TMEM40: variants seen among roughly 807,000 people sequenced by gnomAD.
TMEM40 encodes the protein transmembrane protein 40.
TMEM40 carries 34 observed loss-of-function variants against 40.8 expected under a neutral mutation model. That is an observed-to-expected ratio of 0.83 (90% CI 0.63 to 1.11). The LOEUF is 1.11. Among genes scored for constraint, TMEM40 ranks in the 50% least tolerant of loss-of-function variants. TMEM40 has a pLI of 0.00. For synonymous variants in TMEM40, 106 were observed against 107.0 expected (o/e 0.99, Z 0.06); for missense variants, 296 against 280.2 (o/e 1.06, Z -0.40).
At chr3:12,742,619 T>G in intron 4 of TMEM40, 112 bp from the exon 5 acceptor site, 2 of 1,290,328 alleles carry the variant, frequency 1.5e-6, no homozygotes, top group Non-Finnish European at 2.2e-6. Flanking sequence ...GTGCTGGAGG[T>G]GAGGTGGGGG....
At chr3:12,752,622 C>T (rs982822617) in intron 1 of TMEM40, among the ~76,000 whole-genome samples, 2 of 152,012 alleles carry the variant, frequency 1.3e-5, no homozygotes, top group Non-Finnish European at 2.9e-5. Context: ...CATGGTGAAA[C>T]ACAGTCTCTA....
At chr3:12,763,653 C>G (rs1188859347), upstream of TMEM40, among the ~76,000 whole-genome samples, 1 of 152,146 alleles carries the variant, frequency 6.6e-6, no homozygotes, top group Non-Finnish European at 1.5e-5. Flanking sequence ...GCCTCAGTCT[C>G]CCCATCCATA....
intron 3 of TMEM40, 140 bp from the exon 4 acceptor site, chr3:12,744,129 A>G (rs1278471349): frequency 1.9e-5 from 14 of 749,140 alleles, no homozygotes; most frequent in Admixed American, 8.0e-5. Context: ...TGGGGACTGG[A>G]GGTAGGAGAC....
intron 9 of TMEM40, 47 bp from the exon 10 acceptor site, chr3:12,736,699 G>A (rs111237179): frequency 0.049 from 79,273 of 1,613,202 alleles, 2,137 homozygotes; most frequent in Middle Eastern, 0.057. Flanking sequence ...AGGTCTTGAC[G>A]CCCCTGCCCC....
In TMEM40 at chr3:12,743,944, C is replaced by G. The variant is rs151070915; in HGVS notation, c.257G>C (p.Arg86Pro). The stretch of plus-strand genomic sequence containing the variant: ...GGGGTATCCAGCCCCCAGGCTCCGT[C>G]GATGTTTTCCGGTTGCTCTGGGTTG... ...DQQPRATGKH[R>P]RSLGAGYPHG... Residue 86 changes from arginine (R) to proline (P), a missense_variant, in exon 4 of 12, where the codon CGA becomes CCA. Transcript: ENST00000314124. 5.3e-5 allele frequency: 86 copies of G among 1,613,344 alleles called. No homozygotes were observed. Among genetic ancestry groups the G allele is most frequent in the Non-Finnish European group, 7.0e-5 (82 of 1,179,822 alleles).
chr3:12,751,913 G>A (rs2061480687), intron 1 of TMEM40, among the ~76,000 whole-genome samples: 1 of 152,150 alleles, frequency 6.6e-6, no homozygotes, highest in South Asian at 2.1e-4. Flanking sequence ...ATCCTGCTCT[G>A]TGTCCTGGTC....
At chr3:12,742,620 G>T (rs1422707004) in intron 4 of TMEM40, 113 bp from the exon 5 acceptor site, 3 of 1,261,314 alleles carry the variant, frequency 2.4e-6, no homozygotes, top group Admixed American at 1.9e-5. Flanking sequence ...TGCTGGAGGT[G>T]AGGTGGGGGG....
In TMEM40 at chr3:12,738,537, C is replaced by T; in HGVS notation, c.391+16G>A. The T allele has an allele frequency of 2.5e-6, 4 of 1,614,034 alleles. No individual in the cohort carries two copies. The highest frequency in any genetic ancestry group is 3.4e-6 in the Non-Finnish European group (4 of 1,179,964). ...TACCAGCACCAACGACCTCTCTCCT[C>T]TAACTGGACACTCACCTGATTCCCC... On this transcript the variant is annotated intron_variant, in intron 6 of 11. Transcript: ENST00000314124.
At chr3:12,754,607 G>A (rs2061504968) in intron 1 of TMEM40, among the ~76,000 whole-genome samples, 1 of 152,186 alleles carries the variant, frequency 6.6e-6, no homozygotes. Context: ...CGGTGAAGAA[G>A]GTGGCCCACA....
chr3:12,748,887 G>A (rs1439075996), intron 2 of TMEM40, 95 bp from the exon 3 acceptor site: 15 of 1,119,614 alleles, frequency 1.3e-5, no homozygotes, highest in Non-Finnish European at 1.8e-5. Flanking sequence ...TGGATTTGGA[G>A]AGCCAGGAAG....
intron 1 of TMEM40, among the ~76,000 whole-genome samples, chr3:12,755,235 CTTTCTTTCTT>C (rs1462964427): frequency 5.3e-4 from 28 of 52,566 alleles, no homozygotes; most frequent in Middle Eastern, 0.019. Context: ...CTCTCTCTCT[CTTTCTTTCTT>C]TCTTTCTTTC....
At chr3:12,738,696 A>G (rs1040552768) in intron 5 of TMEM40, 108 bp from the exon 6 acceptor site, 6 of 1,262,542 alleles carry the variant, frequency 4.8e-6, no homozygotes, top group Non-Finnish European at 5.7e-6. Flanking sequence ...CTTAATCTGG[A>G]GTCGGCCAGG....
At chr3:12,752,038 C>T (rs1388317636) in intron 1 of TMEM40, among the ~76,000 whole-genome samples, 2 of 152,196 alleles carry the variant, frequency 1.3e-5, no homozygotes, top group Non-Finnish European at 2.9e-5. Flanking sequence ...ATTGCCTAAA[C>T]AATACCCATC....
In TMEM40 at chr3:12,734,807, A is replaced by T; in HGVS notation, c.683-14T>A. 1 of 1,597,744 alleles carries T rather than the reference A, an allele frequency of 6.3e-7. No individual in the cohort carries two copies. Among genetic ancestry groups the T allele is most frequent in the African/African-American group, 1.3e-5 (1 of 74,568 alleles). ...TCTTCCTGAACCCTGGAAGGCAAAG[A>T]CCACAGGATGGCATGGGATTCTGAA... On this transcript the variant is annotated splice_polypyrimidine_tract_variant and intron_variant, in intron 11 of 11. Coordinates refer to ENST00000314124, the MANE Select transcript of TMEM40 (RefSeq NM_018306.4).
chr3:12,737,294 A>T (rs2061344790), intron 8 of TMEM40, among the ~76,000 whole-genome samples: 1 of 150,668 alleles, frequency 6.6e-6, no homozygotes, highest in African/African-American at 2.5e-5. Flanking sequence ...TGGAGCAGGG[A>T]AGTTGCTCCC....
At chr3:12,738,192 A>G in intron 6 of TMEM40, 24 bp from the exon 7 acceptor site, 2 of 1,613,658 alleles carry the variant, frequency 1.2e-6, no homozygotes, top group Non-Finnish European at 1.7e-6. Flanking sequence ...ACTCAACATT[A>G]GTGCCCAACC....
At chr3:12,738,782 C>T in intron 5 of TMEM40, 194 bp from the exon 6 acceptor site, 1 of 587,820 alleles carries the variant, frequency 1.7e-6, no homozygotes, top group Non-Finnish European at 3.1e-6. Flanking sequence ...CAGAAAGCTG[C>T]TGTAGGAACG....
At position 12,748,729 on chromosome 3, in the gene TMEM40, T is replaced by C. The variant is rs752677259; in HGVS notation, c.137A>G (p.Glu46Gly). 2.5e-6 allele frequency: 4 copies of C among 1,614,026 alleles called. No individual in the cohort carries two copies. The highest frequency in any genetic ancestry group is 3.4e-6 in the Non-Finnish European group (4 of 1,180,032). Residue 46 changes from glutamate to glycine, a missense_variant, in exon 3 of 12, where the codon GAG becomes GGG. Physicochemically the swap from Glu to Gly is moderately conservative, Grantham distance 98. Transcript: ENST00000314124. Reference sequence around the variant, plus strand: ...GGAGGAGGAAGAAGACTTGTTTCTCTCATATTGTTCTTGGGAAAAGAGTCC... The same window carrying C: ...GGAGGAGGAAGAAGACTTGTTTCTCCCATATTGTTCTTGGGAAAAGAGTCC... ...KAGLFSQEQY[E>G]RNKSSSSSSS...
At chr3:12,762,495 C>G (rs981555174), upstream of TMEM40, among the ~76,000 whole-genome samples, 3 of 152,078 alleles carry the variant, frequency 2.0e-5, no homozygotes, top group African/African-American at 7.2e-5. Context: ...CTAATGAGAC[C>G]ACTGTGGTCC....
Sources: gnomAD v4.1 joint callset for allele counts (sites outside exome capture counted in the v4.1 genomes callset) on GRCh38, gnomAD v4.1.1 for gene constraint, MANE v1.5 for transcripts, NCBI Gene and HGNC (gene_info 2026-07-23, HGNC 2026-07-21) for gene names.